CXCL12: variants seen among roughly 807,000 people sequenced by gnomAD.
CXCL12 encodes the protein C-X-C motif chemokine ligand 12.
Under a neutral mutation model 10.7 loss-of-function variants are expected in CXCL12, and 4 were observed. The ratio of observed to expected loss-of-function variants is 0.37; its 90% CI spans 0.18 to 0.86. The LOEUF (loss-of-function observed/expected upper bound fraction) is 0.86. Ranked by LOEUF, CXCL12 falls within the 40% of genes least tolerant of loss-of-function variation. The probability of loss-of-function intolerance (pLI) is 0.43; values close to 1 mark genes in which losing one functional copy is unlikely to be tolerated. For missense variants in CXCL12, 122 were observed against 110.4 expected (o/e 1.10, Z -0.47); for synonymous variants, 54 against 45.4 (o/e 1.19, Z -0.77).
intron 1 of CXCL12, 90 bp downstream of exon 1, chr10:44,384,855 T>C: frequency 7.5e-7 from 1 of 1,340,474 alleles, no homozygotes; most frequent in South Asian, 1.3e-5. Flanking sequence ...CGGCGCAAAC[T>C]GCGGGCGCAG....
Position 44,383,694 on chromosome 10 carries a change from T to C in CXCL12, c.61+1251A>G, listed in dbSNP as rs115389106. On this transcript the variant is annotated intron_variant, in intron 1 of 2. Transcript: ENST00000343575. ...CATTCCCAATTGCCTTCAGTCTGTG[T>C]CCTTAACACTTAGGCAGTCCGCCAC... 8.6e-3 allele frequency among the ~76,000 whole-genome samples: 1,273 copies of C among 148,698 alleles called. 23 individuals are homozygous for C. Among genetic ancestry groups the C allele is most frequent in the African/African-American group, 0.029 (1,151 of 40,052 alleles).
chr10:44,373,526 A>G (rs2132036911), downstream of CXCL12, among the ~76,000 whole-genome samples: 1 of 152,354 alleles, frequency 6.6e-6, no homozygotes. Flanking sequence ...TGCGAGACGC[A>G]GCCAGGCTGA....
chr10:44,380,938 TG>T, intron 1 of CXCL12, 58 bp from the exon 2 acceptor site: 4 of 1,376,136 alleles, frequency 2.9e-6, no homozygotes, highest in Non-Finnish European at 4.2e-6. Flanking sequence ...TGGTAATGTG[TG>T]TCTGGGCTGC....
chr10:44,370,907 G>A (rs1319794352), downstream of CXCL12: 1 of 153,574 alleles, frequency 6.5e-6, no homozygotes, highest in Non-Finnish European at 1.4e-5. Flanking sequence ...CAGTCAACGA[G>A]CCTCTGGCCC....
At chr10:44,379,438 T>C (rs543953465) in intron 2 of CXCL12, among the ~76,000 whole-genome samples, 2 of 152,340 alleles carry the variant, frequency 1.3e-5, no homozygotes, top group South Asian at 2.1e-4. Context: ...TTCATCTCTC[T>C]GAATCTCTTG....
downstream of CXCL12, chr10:44,375,858 G>A (rs1839435089): frequency 1.9e-6 from 3 of 1,593,722 alleles, no homozygotes; most frequent in Non-Finnish European, 2.6e-6. Flanking sequence ...CTGCATGGGG[G>A]TCTGTCCTGG....
downstream of CXCL12, among the ~76,000 whole-genome samples, chr10:44,375,178 C>G (rs530914335): frequency 6.0e-4 from 92 of 152,304 alleles, no homozygotes; most frequent in African/African-American, 2.1e-3. Context: ...TTTAAAGACT[C>G]TAAAGAGAAT....
downstream of CXCL12, among the ~76,000 whole-genome samples, chr10:44,376,785 T>C (rs1326013666): frequency 1.3e-5 from 2 of 152,048 alleles, no homozygotes; most frequent in African/African-American, 4.8e-5. Context: ...AAGGTTGATA[T>C]TACTAGGGTT....
At chr10:44,375,094 C>T (rs113293406), downstream of CXCL12, among the ~76,000 whole-genome samples, 2 of 152,222 alleles carry the variant, frequency 1.3e-5, no homozygotes, top group East Asian at 3.9e-4. Flanking sequence ...CGGGAGGGGA[C>T]AGGCTGGGAT....
chr10:44,374,430 C>T (rs1564458736), downstream of CXCL12: 1 of 454,814 alleles, frequency 2.2e-6, no homozygotes, highest in Non-Finnish European at 4.4e-6. Flanking sequence ...GGCAGCCCAC[C>T]CAACAGCTCT....
At chr10:44,384,405 G>A (rs2132054625) in intron 1 of CXCL12, among the ~76,000 whole-genome samples, 1 of 152,274 alleles carries the variant, frequency 6.6e-6, no homozygotes, top group Middle Eastern at 3.4e-3. Context: ...AGGGTGTGGG[G>A]AGAGGATCGG....
At chr10:44,374,108 G>C (rs533129730), downstream of CXCL12, 1 of 300,272 alleles carries the variant, frequency 3.3e-6, no homozygotes, top group Admixed American at 4.3e-5. Flanking sequence ...AGACAGGACG[G>C]ACCTTGCATG....
chr10:44,377,824 G>A lies in CXCL12; in HGVS notation c.*809C>T, dbSNP rs1371983975. The A allele has an allele frequency of 6.3e-7, 1 of 1,596,800 alleles. No homozygotes were observed. The highest frequency in any genetic ancestry group is 8.5e-7 in the Non-Finnish European group (1 of 1,179,216). On this transcript the variant is annotated 3_prime_UTR_variant, in exon 3 of 3. Coordinates refer to ENST00000343575, the MANE Select transcript of CXCL12 (RefSeq NM_199168.4). ...GGATCTCACAGAGGGCCCGAGCTGT[G>A]GGGCAGGCCCTGGGAGGAGAGGGAT...
chr10:44,372,596 C>G (rs1378864171), downstream of CXCL12: 2 of 1,240,792 alleles, frequency 1.6e-6, no homozygotes, highest in African/African-American at 1.5e-5. Flanking sequence ...GCTTGGTGCA[C>G]AGTTTACATG....
intron 1 of CXCL12, among the ~76,000 whole-genome samples, chr10:44,382,341 C>T (rs1170648363): frequency 2.0e-5 from 3 of 152,204 alleles, no homozygotes; most frequent in African/African-American, 4.8e-5. Flanking sequence ...CCCCCAGGGC[C>T]GGGGCCTGCA....
downstream of CXCL12, chr10:44,374,233 C>G (rs187025701): frequency 1.7e-4 from 58 of 350,864 alleles, no homozygotes; most frequent in East Asian, 2.7e-3. Flanking sequence ...CCCTAGGGGG[C>G]CAACAGCTTT....
chr10:44,378,619 T>A lies in CXCL12; in HGVS notation c.*14A>T, dbSNP rs781420449. 5 of 1,614,142 alleles carry A rather than the reference T, an allele frequency of 3.1e-6. No homozygotes were observed. The South Asian group carries it at 5.5e-5, about 18-fold the overall frequency. On this transcript the variant is annotated 3_prime_UTR_variant, in exon 3 of 3. Transcript: ENST00000343575. ...CGAGTGGGTCTAGCGGAAAGTCCTTTTTGGCTGTTGTGCTTACTTGTTTAA... is the reference window on the plus strand; with the variant it reads ...CGAGTGGGTCTAGCGGAAAGTCCTTATTGGCTGTTGTGCTTACTTGTTTAA...
chr10:44,383,606 T>A (rs1839700223), intron 1 of CXCL12, among the ~76,000 whole-genome samples: 1 of 6,730 alleles, frequency 1.5e-4, no homozygotes, highest in Non-Finnish European at 2.7e-4. Flanking sequence ...GCCCCATGAC[T>A]TGCGGGGGGG....
chr10:44,372,479 G>C (rs149703333), downstream of CXCL12: 103 of 329,274 alleles, frequency 3.1e-4, no homozygotes, highest in African/African-American at 2.1e-3. Context: ...TCACAGAGGA[G>C]GACGCTGGCT....
Sources: allele counts gnomAD v4.1 joint callset (sites outside exome capture counted in the v4.1 genomes callset), GRCh38; gene constraint gnomAD v4.1.1; transcripts MANE v1.5; gene names NCBI Gene and HGNC (gene_info 2026-07-23, HGNC 2026-07-21).